The following UPF2 variants were observed in gnomAD, a reference collection of about 807,000 sequenced individuals.
UPF2 encodes UPF2 regulator of nonsense mediated mRNA decay, also known as regulator of nonsense transcripts 2.
A neutral mutation model predicts 141.4 loss-of-function variants in UPF2; 17 were observed. The ratio of observed to expected loss-of-function variants is 0.12; its 90% CI spans 0.08 to 0.18. The LOEUF is 0.18. Among genes scored for constraint, UPF2 ranks in the 10% least tolerant of loss-of-function variants. The pLI is 1.00. For synonymous variants in UPF2, 540 were observed against 498.0 expected, an observed-to-expected ratio of 1.08 and a Z score of -1.12; for missense variants, 1,152 against 1,515.9, an observed-to-expected ratio of 0.76 and a Z score of 3.99.
chr10:12,022,618 C>T (rs576603896), intron 3 of UPF2, among the ~76,000 whole-genome samples: 1 of 152,050 alleles, frequency 6.6e-6, no homozygotes. Context: ...TAGAACATTA[C>T]AGCTATAACA....
At chr10:12,009,091 T>C (rs889584730) in intron 4 of UPF2, among the ~76,000 whole-genome samples, 4 of 152,236 alleles carry the variant, frequency 2.6e-5, no homozygotes, top group South Asian at 2.1e-4. Flanking sequence ...TAGTGTATTA[T>C]TGATGGGCAT....
chr10:11,947,732 A>AACTATGAT (rs1833019799), intron 16 of UPF2, among the ~76,000 whole-genome samples: 1 of 149,592 alleles, frequency 6.7e-6, no homozygotes, highest in Admixed American at 6.8e-5. Context: ...GGCTGCAGTG[A>AACTATGAT]ACTATGATCA....
rs763193552 is a variant in UPF2 at position 11,998,099 on chromosome 10, T to C, written c.1759-342A>G. ...AAAGTTTAGTGTCGACAGTCAGATT[T>C]GGTAATGTTAGGGTTTAGAAAGCAA... On this transcript the variant is annotated intron_variant, in intron 7 of 21. Transcript: ENST00000357604. The surrounding 1 kb of genome is among the most constrained non-coding windows in gnomAD (Gnocchi z 4.5). Among the ~76,000 whole-genome samples, 3 of 152,194 alleles carry C rather than the reference T, an allele frequency of 2.0e-5. No homozygotes were observed. The highest frequency in any genetic ancestry group is 4.4e-5 in the Non-Finnish European group (3 of 68,028).
rs139152072 is a variant in UPF2, at chr10:11,998,256, GCTCT to G, written c.1759-503_1759-500del. 5.3e-5 allele frequency among the ~76,000 whole-genome samples: 8 copies of G among 151,242 alleles called. No homozygotes were observed. The highest frequency in any genetic ancestry group is 2.6e-4 in the Admixed American group (4 of 15,156). Reference sequence around the variant, plus strand: ...TCTCTTCACAAGTGCAGGAAATGGCGCTCTCTCTCTCTCTCCAAGATGCCTTAAC... The same window carrying G: ...TCTCTTCACAAGTGCAGGAAATGGCGCTCTCTCTCTCCAAGATGCCTTAAC... On this transcript the variant is annotated intron_variant, in intron 7 of 21. Coordinates refer to ENST00000357604, the MANE Select transcript of UPF2 (RefSeq NM_015542.4). This position sits in a 1 kb window ranked among gnomAD's most constrained non-coding sequence, Gnocchi z 4.5.
In UPF2 at chr10:11,940,806, C is replaced by G. The variant is rs1267472736; in HGVS notation, c.3378+1859G>C. On this transcript the variant is annotated intron_variant, in intron 18 of 21. Transcript: ENST00000357604. The surrounding 1 kb of genome is among the most constrained non-coding windows in gnomAD (Gnocchi z 4.2). ...CTTTTAGCCTTGCCCTGGTGGGTAC[C>G]TCTGCCCTCCCACACAGGATTGTGC... Among the ~76,000 whole-genome samples the G allele has an allele frequency of 1.3e-5, 2 of 152,226 alleles. No homozygotes were observed. The highest frequency in any genetic ancestry group is 1.3e-4 in the Admixed American group (2 of 15,280).
intron 8 of UPF2, among the ~76,000 whole-genome samples, chr10:11,996,392 G>A (rs1208446213): frequency 6.6e-6 from 1 of 151,524 alleles, no homozygotes; most frequent in East Asian, 1.9e-4. Context: ...CTGTTGCCCA[G>A]GCTGGAGTGC....
chr10:11,993,239 C>A (rs1470606203), intron 8 of UPF2, among the ~76,000 whole-genome samples: 1 of 150,048 alleles, frequency 6.7e-6, no homozygotes, highest in Non-Finnish European at 1.5e-5. Flanking sequence ...TAAATAAGAC[C>A]AAGAAGAACA....
At chr10:11,967,578 T>C (rs1190517434) in intron 9 of UPF2, 124 bp from the exon 10 acceptor site, 2 of 567,092 alleles carry the variant, frequency 3.5e-6, no homozygotes, top group Non-Finnish European at 5.7e-6. Context: ...TGAGACAGAG[T>C]TTCGCTTGTT....
rs919394714 is a variant in UPF2 at position 12,016,029 on chromosome 10, T to G, written c.1146-1845A>C. Among the ~76,000 whole-genome samples the G allele has an allele frequency of 3.9e-5, 6 of 152,140 alleles. No homozygotes were observed. Among genetic ancestry groups the G allele is most frequent in the Admixed American group, 2.0e-4 (3 of 15,276 alleles). ...TTCAAACATGTGTTTCAGACTACTG[T>G]TACAAACACAAACAAAATTTTTTCA... On this transcript the variant is annotated intron_variant, in intron 3 of 21. Coordinates refer to ENST00000357604, the MANE Select transcript of UPF2 (RefSeq NM_015542.4). The surrounding 1 kb of genome is among the most constrained non-coding windows in gnomAD (Gnocchi z 4.1).
In UPF2 at chr10:12,000,017, A is replaced by G. The variant is rs1833927446; in HGVS notation, c.1655-8T>C. On this transcript the variant is annotated splice_region_variant and splice_polypyrimidine_tract_variant and intron_variant, in intron 6 of 21. Transcript: ENST00000357604. ...CTTCCTCATCTTCTTGTTCTAATGT[A>G]AAATTAGTTTTTAAATAGGTTAAAA... The G allele has an allele frequency of 1.3e-6, 2 of 1,584,384 alleles. No individual in the cohort carries two copies. Among genetic ancestry groups the G allele is most frequent in the South Asian group, 1.2e-5 (1 of 85,522 alleles).
chr10:11,951,019 T>C (rs17557201), intron 15 of UPF2, among the ~76,000 whole-genome samples: 9,123 of 152,266 alleles, frequency 0.06, 373 homozygotes, highest in Non-Finnish European at 0.092. Flanking sequence ...TAGTGGGAAA[T>C]CAAACACTAG....
chr10:12,021,621 C>CA (rs1243971790), intron 3 of UPF2, among the ~76,000 whole-genome samples: 1 of 152,166 alleles, frequency 6.6e-6, no homozygotes, highest in Non-Finnish European at 1.5e-5. Context: ...GCAAGAATTT[C>CA]AATGCCAAAT....
At chr10:12,003,628 C>T (rs954798536) in intron 5 of UPF2, among the ~76,000 whole-genome samples, 3 of 151,974 alleles carry the variant, frequency 2.0e-5, no homozygotes, top group Admixed American at 2.0e-4. Flanking sequence ...GTAAAATTAA[C>T]GTTTAGGAAT....
rs148711868 is a variant in UPF2 at position 12,029,672 on chromosome 10, A to G, written c.366-148T>C. The G allele has an allele frequency of 4.4e-4, 410 of 933,650 alleles. 1 individual carries two copies. The East Asian group carries it at 5.4e-3, about 12-fold the overall frequency. The allele number at this position is 933,650 out of a possible 1,614,324, so 57.8% of individuals were successfully genotyped here. A position where few individuals can be genotyped will look rare whatever the true frequency, so the allele number is the denominator to read the frequency against. ...AAGGCCTTTCACTACTTTTAAAGAC[A>G]TTTTACTGGCCAGGCATGGTGGCTC... On this transcript the variant is annotated intron_variant, in intron 2 of 21. Transcript: ENST00000357604.
At chr10:11,937,357 A>G (rs888190795) in intron 18 of UPF2, among the ~76,000 whole-genome samples, 73 of 152,246 alleles carry the variant, frequency 4.8e-4, no homozygotes, top group African/African-American at 1.7e-3. Context: ...AAGCTTGTTA[A>G]GACAGATACA....
intron 21 of UPF2, among the ~76,000 whole-genome samples, chr10:11,929,249 T>A (rs35227056): frequency 0.013 from 2,019 of 152,364 alleles, 52 homozygotes; most frequent in African/African-American, 0.047. Flanking sequence ...TAATTAACCC[T>A]GACCTGAGAA....
intron 3 of UPF2, among the ~76,000 whole-genome samples, chr10:12,025,839 G>A (rs773589634): frequency 4.6e-5 from 7 of 152,220 alleles, no homozygotes; most frequent in Non-Finnish European, 8.8e-5. Context: ...CTGTCGCCCA[G>A]GCTAGAGTGC....
intron 8 of UPF2, among the ~76,000 whole-genome samples, chr10:11,985,159 A>G (rs1034096611): frequency 6.6e-6 from 1 of 152,202 alleles, no homozygotes; most frequent in African/African-American, 2.4e-5. Flanking sequence ...TATGGAAGTA[A>G]AGTTAGATAC....
chr10:12,001,228 A>G (rs1374424633), intron 6 of UPF2, among the ~76,000 whole-genome samples: 1 of 152,184 alleles, frequency 6.6e-6, no homozygotes, highest in Non-Finnish European at 1.5e-5. Flanking sequence ...AGCCTGGCCA[A>G]CATGGTGAAA....
Sources: allele counts gnomAD v4.1 joint callset (sites outside exome capture counted in the v4.1 genomes callset), GRCh38; gene constraint gnomAD v4.1.1; non-coding constraint Gnocchi (gnomAD v3.1); transcripts MANE v1.5; gene names NCBI Gene and HGNC (gene_info 2026-07-23, HGNC 2026-07-21).